Variants in ARHGAP44 observed in about 807,000 individuals in gnomAD.
ARHGAP44 encodes Rho GTPase activating protein 44.
A neutral mutation model predicts 106.8 loss-of-function variants in ARHGAP44; 43 were observed. The ratio of observed to expected loss-of-function variants is 0.40; its 90% CI spans 0.32 to 0.52. The LOEUF (loss-of-function observed/expected upper bound fraction) is 0.52. ARHGAP44 is among the 20% of genes least tolerant of loss of function. The probability of loss-of-function intolerance (pLI) is 0.48; values close to 1 mark genes in which losing one functional copy is unlikely to be tolerated. For synonymous variants in ARHGAP44, 439 were observed against 410.3 expected, an observed-to-expected ratio of 1.07 and a Z score of -0.85; for missense variants, 866 against 1,050.5, an observed-to-expected ratio of 0.82 and a Z score of 2.43.
In ARHGAP44 at chr17:12,990,014, C is replaced by G. The variant is rs749079385; in HGVS notation, c.2318-18C>G. ...GGGAAGCCTCCTTTCAACCACCTCTCTCTCTGCCGCCTTCCAGATCTTGTC... is the reference window on the plus strand; with the variant it reads ...GGGAAGCCTCCTTTCAACCACCTCTGTCTCTGCCGCCTTCCAGATCTTGTC... On this transcript the variant is annotated intron_variant, in intron 20 of 20. Coordinates refer to ENST00000379672, the MANE Select transcript of ARHGAP44 (RefSeq NM_014859.6). 2.3e-5 allele frequency: 37 copies of G among 1,593,626 alleles called. No homozygotes were observed. Among genetic ancestry groups the G allele is most frequent in the Non-Finnish European group, 3.1e-5 (36 of 1,162,782 alleles).
At position 12,878,485 on chromosome 17, in the gene ARHGAP44, C is replaced by CA. The variant is rs1391910065; in HGVS notation, c.54-16454dup. Among the ~76,000 whole-genome samples, 7 of 152,326 alleles carry CA rather than the reference C, an allele frequency of 4.6e-5. No homozygotes were observed. The South Asian group carries it at 1.0e-3, about 23-fold the overall frequency. ...GACTTGTACCCAGATGTCATCTACA[C>CA]AGCGCCTGTCATCCTGTGGAATGAC... is the stretch of plus-strand genomic sequence containing the variant. On this transcript the variant is annotated intron_variant, in intron 1 of 20. Transcript: ENST00000379672.
chr17:12,859,840 G>A (rs1344311198), intron 1 of ARHGAP44, among the ~76,000 whole-genome samples: 1 of 152,204 alleles, frequency 6.6e-6, no homozygotes, highest in East Asian at 1.9e-4. Flanking sequence ...GGAGCTGCAC[G>A]CATTAGCCTT....
chr17:12,896,342 C>A, intron 2 of ARHGAP44, 65 bp from the exon 3 acceptor site: 1 of 1,362,046 alleles, frequency 7.3e-7, no homozygotes, highest in Non-Finnish European at 1.0e-6. Context: ...ATTGTCCACA[C>A]CCACAATCCC....
chr17:12,970,699 CCTTT>C (rs1419707246), intron 16 of ARHGAP44, among the ~76,000 whole-genome samples: 1 of 152,204 alleles, frequency 6.6e-6, no homozygotes, highest in African/African-American at 2.4e-5. Flanking sequence ...CTTTATTGCT[CCTTT>C]CTTAAGAAAC....
At chr17:12,878,906 T>A (rs1754692170) in intron 1 of ARHGAP44, among the ~76,000 whole-genome samples, 1 of 152,252 alleles carries the variant, frequency 6.6e-6, no homozygotes, top group African/African-American at 2.4e-5. Flanking sequence ...AGCATAAATC[T>A]TTTTCCTTCA....
intron 12 of ARHGAP44, among the ~76,000 whole-genome samples, chr17:12,950,400 G>A (rs549817474): frequency 3.4e-4 from 52 of 152,274 alleles, no homozygotes; most frequent in Middle Eastern, 3.4e-3. Context: ...GGGAGAGGCC[G>A]CAGCCCAAAG....
At chr17:12,858,513 G>C (rs2035975876) in intron 1 of ARHGAP44, among the ~76,000 whole-genome samples, 1 of 152,114 alleles carries the variant, frequency 6.6e-6, no homozygotes, top group South Asian at 2.1e-4. Context: ...CCTTATCTGG[G>C]CATTTTGGGT....
intron 1 of ARHGAP44, among the ~76,000 whole-genome samples, chr17:12,870,374 T>C (rs953650566): frequency 2.0e-4 from 30 of 152,298 alleles, no homozygotes; most frequent in African/African-American, 7.0e-4. Context: ...GAAGGTTTTC[T>C]ACATTTTTAG....
intron 1 of ARHGAP44, among the ~76,000 whole-genome samples, chr17:12,865,174 AT>A (rs982649474): frequency 1.3e-5 from 2 of 152,218 alleles, no homozygotes; most frequent in Non-Finnish European, 2.9e-5. Context: ...AGTTTTATGC[AT>A]CTGGAGAGGC....
intron 1 of ARHGAP44, among the ~76,000 whole-genome samples, chr17:12,806,874 C>T (rs1265465662): frequency 6.6e-6 from 1 of 152,100 alleles, no homozygotes; most frequent in Non-Finnish European, 1.5e-5. Context: ...GTTCAGGGCT[C>T]TGTTGATAGG....
intron 10 of ARHGAP44, among the ~76,000 whole-genome samples, chr17:12,944,648 G>T (rs2038802520): frequency 7.7e-6 from 1 of 129,780 alleles, no homozygotes. Flanking sequence ...ACCACGCCCA[G>T]CTAATTTTTT....
intron 1 of ARHGAP44, among the ~76,000 whole-genome samples, chr17:12,893,432 G>T (rs2037107354): frequency 6.6e-6 from 1 of 152,218 alleles, no homozygotes; most frequent in African/African-American, 2.4e-5. Flanking sequence ...GGAAGGTGAA[G>T]AGATGCTTCG....
chr17:12,980,771 G>C (rs2039810573), intron 19 of ARHGAP44: 1 of 152,976 alleles, frequency 6.5e-6, no homozygotes, highest in Non-Finnish European at 1.5e-5. Context: ...TATGCTCCAT[G>C]TGACATTTCA....
At chr17:12,796,849 C>T (rs1597852974) in intron 1 of ARHGAP44, among the ~76,000 whole-genome samples, 2 of 151,846 alleles carry the variant, frequency 1.3e-5, no homozygotes, top group East Asian at 3.9e-4. Context: ...TCGTGATCTG[C>T]CCGCCTCAGC....
At position 12,984,920 on chromosome 17, in the gene ARHGAP44, A is replaced by C; in HGVS notation, c.2317+12A>C. 1 of 1,586,362 alleles carries C rather than the reference A, an allele frequency of 6.3e-7. No homozygotes were observed. Among genetic ancestry groups the C allele is most frequent in the Non-Finnish European group, 8.6e-7 (1 of 1,163,860 alleles). On this transcript the variant is annotated intron_variant, in intron 20 of 20. Coordinates refer to ENST00000379672, the MANE Select transcript of ARHGAP44 (RefSeq NM_014859.6). ...AAGCATGTCTACAGGTAACCAAGCC[A>C]CAGGCTCCCTCACTTTTTTTTATGA...
intron 1 of ARHGAP44, among the ~76,000 whole-genome samples, chr17:12,833,984 T>G (rs2035164075): frequency 6.6e-6 from 1 of 151,476 alleles, no homozygotes; most frequent in Non-Finnish European, 1.5e-5. Context: ...TTAAAGAGGC[T>G]GTTCTATCAG....
chr17:12,952,631 C>T, intron 13 of ARHGAP44, 50 bp downstream of exon 13: 1 of 1,399,436 alleles, frequency 7.1e-7, no homozygotes, highest in Non-Finnish European at 9.9e-7. Context: ...CTTATGTAAG[C>T]CTCAGAGATA....
intron 15 of ARHGAP44, 118 bp downstream of exon 15, chr17:12,956,864 T>G: frequency 1.5e-6 from 1 of 676,010 alleles, no homozygotes; most frequent in South Asian, 1.7e-5. Flanking sequence ...GATTCCCCTA[T>G]AAACACACAC....
chr17:12,990,889 C>T lies in ARHGAP44; in HGVS notation c.*718C>T, dbSNP rs537655220. Reference sequence around the variant, plus strand: ...ACAAAACAAACAAGCCTGACAGTGTCTGGAGGAGCCAAAGGTGGCCTCCCT... The same window carrying T: ...ACAAAACAAACAAGCCTGACAGTGTTTGGAGGAGCCAAAGGTGGCCTCCCT... On this transcript the variant is annotated 3_prime_UTR_variant, in exon 21 of 21. Transcript: ENST00000379672. 1 of 152,598 alleles carries T rather than the reference C, an allele frequency of 6.6e-6. No individual in the cohort carries two copies. The highest frequency in any genetic ancestry group is 2.1e-4 in the South Asian group (1 of 4,828). 9.5% of individuals were successfully genotyped at this position (152,598 alleles called of 1,614,324 possible). A position where few individuals can be genotyped will look rare whatever the true frequency, so the allele number is the denominator to read the frequency against.
Sources: allele counts gnomAD v4.1 joint callset (sites outside exome capture counted in the v4.1 genomes callset), GRCh38; gene constraint gnomAD v4.1.1; transcripts MANE v1.5; gene names NCBI Gene and HGNC (gene_info 2026-07-23, HGNC 2026-07-21).